Variants in ATAD1 observed in about 807,000 individuals in gnomAD.
ATAD1 encodes outer mitochondrial transmembrane helix translocase.
A neutral mutation model predicts 42.7 loss-of-function variants in ATAD1; 18 were observed. The observed-to-expected ratio is 0.42, with a 90% confidence interval of 0.29 to 0.63. The LOEUF (loss-of-function observed/expected upper bound fraction) is 0.63, where lower values mean the gene tolerates loss of function less well. ATAD1 is among the 20% of genes least tolerant of loss of function. The pLI is 0.19. For synonymous variants in ATAD1, 132 were observed against 143.1 expected (o/e 0.92, Z 0.55); for missense variants, 294 against 440.4 (o/e 0.67, Z 2.98).
intron 1 of ATAD1, among the ~76,000 whole-genome samples, chr10:87,837,031 T>C (rs897821100): frequency 2.6e-5 from 4 of 152,316 alleles, no homozygotes; most frequent in African/African-American, 7.2e-5. Flanking sequence ...TTCATTTTTT[T>C]ATTATTTTTT....
chr10:87,776,176 A>G lies in ATAD1; in HGVS notation c.690+145T>C, dbSNP rs1855295128. The G allele has an allele frequency of 5.9e-5, 36 of 614,262 alleles. 1 individual carries two copies. The South Asian group carries it at 6.9e-4, about 12-fold the overall frequency. The allele number at this position is 614,262 out of a possible 1,614,324, so 38.1% of individuals were successfully genotyped here. A position where few individuals can be genotyped will look rare whatever the true frequency, so the allele number is the denominator to read the frequency against. Reference sequence around the variant, plus strand: ...ATTGGATAAAGTTTATACAAACCATATTCTTTTGGATCCTTATCACTTAGT... The same window carrying G: ...ATTGGATAAAGTTTATACAAACCATGTTCTTTTGGATCCTTATCACTTAGT... On this transcript the variant is annotated intron_variant, in intron 6 of 9. Transcript: ENST00000680024.
At position 87,790,394 on chromosome 10, in the gene ATAD1, T is replaced by C. The variant is rs762186769; in HGVS notation, c.298A>G (p.Ile100Val). The change falls in exon 4 of 10, where the codon ATT (isoleucine) becomes GTT (valine). Residue 100 changes from isoleucine to valine, a missense_variant. Coordinates refer to ENST00000680024, the MANE Select transcript of ATAD1 (RefSeq NM_001321967.2). The part of the protein sequence containing the change: ...WSDIAGLDDV[I>V]TDLKDTVILP... ...ATGACTGTGTCTTTCAGATCCGTAATGACATCATCTAAACCTGCTATATCA... is the reference window on the plus strand; with the variant it reads ...ATGACTGTGTCTTTCAGATCCGTAACGACATCATCTAAACCTGCTATATCA... 10 of 1,612,170 alleles carry C rather than the reference T, an allele frequency of 6.2e-6. No individual in the cohort carries two copies. Among genetic ancestry groups the C allele is most frequent in the Non-Finnish European group, 7.6e-6 (9 of 1,179,658 alleles).
intron 4 of ATAD1, among the ~76,000 whole-genome samples, chr10:87,786,427 G>C (rs117566419): frequency 1.3e-5 from 2 of 152,206 alleles, no homozygotes; most frequent in Non-Finnish European, 2.9e-5. Context: ...CTAGTAGATC[G>C]GTTTTGTTAC....
intron 2 of ATAD1, among the ~76,000 whole-genome samples, chr10:87,798,831 GACA>G (rs1169285121): frequency 6.6e-6 from 1 of 152,018 alleles, no homozygotes; most frequent in Non-Finnish European, 1.5e-5. Context: ...CTATTTAGCT[GACA>G]ACTGCCTAGG....
intron 2 of ATAD1, among the ~76,000 whole-genome samples, 172 bp from the exon 3 acceptor site, chr10:87,792,927 C>G (rs1298396273): frequency 6.6e-6 from 1 of 152,154 alleles, no homozygotes; most frequent in Non-Finnish European, 1.5e-5. Flanking sequence ...CCTCAGGTAA[C>G]GATTTGAGGC....
In ATAD1 at chr10:87,778,739, CACAA is replaced by C. The variant is rs574952519; in HGVS notation, c.584-2316_584-2313del. Among the ~76,000 whole-genome samples the C allele has an allele frequency of 6.3e-3, 963 of 152,126 alleles. 9 individuals are homozygous for C. Among genetic ancestry groups the C allele is most frequent in the African/African-American group, 0.022 (904 of 41,502 alleles). On this transcript the variant is annotated intron_variant, in intron 5 of 9. Coordinates refer to ENST00000680024, the MANE Select transcript of ATAD1 (RefSeq NM_001321967.2). The stretch of plus-strand genomic sequence containing the variant: ...CAGATGTTCAATCTGTATCTGCAAA[CACAA>C]ACAAAAAATTGGATAGACTTTTTTT...
rs192605964 is a variant in ATAD1 at position 87,776,806 on chromosome 10, C to T, written c.584-379G>A. On this transcript the variant is annotated intron_variant, in intron 5 of 9. Transcript: ENST00000680024. The stretch of plus-strand genomic sequence containing the variant: ...ACTCTTTATGTAATTTCAAATGTTC[C>T]TAACATACTGAAATGATAAAACGTT... 2.1e-4 allele frequency among the ~76,000 whole-genome samples: 32 copies of T among 152,064 alleles called. 1 individual carries two copies. The highest frequency in any genetic ancestry group is 7.0e-4 in the African/African-American group (29 of 41,484).
At chr10:87,795,029 T>C (rs2131954822) in intron 2 of ATAD1, among the ~76,000 whole-genome samples, 1 of 152,300 alleles carries the variant, frequency 6.6e-6, no homozygotes, top group South Asian at 2.1e-4. Context: ...TAATTTATAA[T>C]CAACCCTTAA....
intron 7 of ATAD1, 101 bp from the exon 8 acceptor site, chr10:87,767,824 A>G (rs372573756): frequency 1.7e-6 from 2 of 1,144,942 alleles, no homozygotes; most frequent in South Asian, 1.4e-5. Flanking sequence ...GTCTCTCTCA[A>G]TACTTATAAG....
intron 1 of ATAD1, among the ~76,000 whole-genome samples, chr10:87,824,492 G>A (rs1042936589): frequency 1.3e-5 from 2 of 152,130 alleles, no homozygotes; most frequent in Non-Finnish European, 2.9e-5. Context: ...TTTAATATGG[G>A]AACAGTAACA....
At chr10:87,774,215 T>C (rs1564748083) in intron 6 of ATAD1, among the ~76,000 whole-genome samples, 1 of 152,212 alleles carries the variant, frequency 6.6e-6, no homozygotes, top group Non-Finnish European at 1.5e-5. Flanking sequence ...AAGACTCAAA[T>C]AAATTAATCT....
intron 8 of ATAD1, among the ~76,000 whole-genome samples, chr10:87,760,786 T>C (rs892953976): frequency 2.6e-5 from 4 of 152,172 alleles, no homozygotes; most frequent in African/African-American, 9.7e-5. Context: ...CTATTGCTGC[T>C]ATATCATACA....
chr10:87,792,614 C>G, intron 3 of ATAD1, 43 bp downstream of exon 3: 1 of 1,220,032 alleles, frequency 8.2e-7, no homozygotes. Flanking sequence ...TAGAACCCAC[C>G]CCCACCTCTA....
intron 8 of ATAD1, among the ~76,000 whole-genome samples, chr10:87,761,084 C>A (rs947956280): frequency 1.3e-5 from 2 of 151,090 alleles, no homozygotes; most frequent in Admixed American, 6.6e-5. Flanking sequence ...AAAAAAAAAA[C>A]AACAAAAAAC....
At chr10:87,757,764 C>T (rs1425953196) in intron 8 of ATAD1, among the ~76,000 whole-genome samples, 1 of 152,120 alleles carries the variant, frequency 6.6e-6, no homozygotes, top group Non-Finnish European at 1.5e-5. Flanking sequence ...TTACTAAATT[C>T]CCATTTGTAT....
upstream of ATAD1, among the ~76,000 whole-genome samples, chr10:87,822,267 CATT>C (rs1393380068): frequency 6.6e-6 from 1 of 152,142 alleles, no homozygotes; most frequent in African/African-American, 2.4e-5. Context: ...TAATTTCAAT[CATT>C]ATTTTTTAAT....
rs145282896 is a variant in ATAD1, at chr10:87,752,395, G to A, written c.*2292C>T. 48 of 152,298 alleles carry A rather than the reference G, an allele frequency of 3.2e-4. 1 individual carries two copies. The highest frequency in any genetic ancestry group is 2.6e-3 in the Admixed American group (40 of 15,290). 9.4% of individuals were successfully genotyped at this position (152,298 alleles called of 1,614,324 possible). A position where few individuals can be genotyped will look rare whatever the true frequency, so the allele number is the denominator to read the frequency against. On this transcript the variant is annotated 3_prime_UTR_variant, in exon 10 of 10. Coordinates refer to ENST00000680024, the MANE Select transcript of ATAD1 (RefSeq NM_001321967.2). ...GAAATGTACATCAGTGTGCAAAAGTGACAATATTAATACGACAGCTAACAT... is the reference window on the plus strand; with the variant it reads ...GAAATGTACATCAGTGTGCAAAAGTAACAATATTAATACGACAGCTAACAT...
chr10:87,791,204 CAAAA>C (rs33991078), intron 3 of ATAD1, among the ~76,000 whole-genome samples: 2 of 97,242 alleles, frequency 2.1e-5, no homozygotes, highest in Admixed American at 2.3e-4. Context: ...GACTCTGTCT[CAAAA>C]AAAAAAAAAA....
chr10:87,827,923 G>A (rs1353463906), intron 1 of ATAD1, among the ~76,000 whole-genome samples: 1 of 152,092 alleles, frequency 6.6e-6, no homozygotes, highest in African/African-American at 2.4e-5. Context: ...TTAGCCAAGT[G>A]GTGAATGCAA....
Sources: allele counts gnomAD v4.1 joint callset (sites outside exome capture counted in the v4.1 genomes callset), GRCh38; gene constraint gnomAD v4.1.1; transcripts MANE v1.5; gene names NCBI Gene and HGNC (gene_info 2026-07-23, HGNC 2026-07-21).